The following GXYLT1 variants were observed in gnomAD, a reference collection of about 807,000 sequenced individuals.
The protein encoded by GXYLT1 is glucoside xylosyltransferase 1, also known as glycosyltransferase 8 domain containing 3.
Under a neutral mutation model 54.0 loss-of-function variants are expected in GXYLT1, and 29 were observed. The observed-to-expected ratio is 0.54, with a 90% CI of 0.40 to 0.73. The LOEUF (loss-of-function observed/expected upper bound fraction) is 0.73. Ranked by LOEUF, GXYLT1 falls within the 30% of genes least tolerant of loss-of-function variation. GXYLT1 has a pLI of 0.00. For synonymous variants in GXYLT1, 176 were observed against 204.1 expected (o/e 0.86, Z 1.17); for missense variants, 490 against 553.4 (o/e 0.89, Z 1.15).
chr12:42,127,262 T>C (rs2065568226), intron 2 of GXYLT1, among the ~76,000 whole-genome samples: 1 of 152,198 alleles, frequency 6.6e-6, no homozygotes, highest in African/African-American at 2.4e-5. Context: ...ATATTTGAAA[T>C]AGGGTGATTA....
intron 1 of GXYLT1, among the ~76,000 whole-genome samples, chr12:42,137,234 C>T (rs1318503802): frequency 6.6e-6 from 1 of 152,034 alleles, no homozygotes; most frequent in East Asian, 1.9e-4. Context: ...TTAGGCCAGG[C>T]GCAGTGGCTC....
At chr12:42,120,740 T>G (rs1251323620) in intron 2 of GXYLT1, among the ~76,000 whole-genome samples, 9 of 152,130 alleles carry the variant, frequency 5.9e-5, no homozygotes, top group African/African-American at 1.9e-4. Flanking sequence ...CTCACTATGT[T>G]GCCCAGGCTA....
At chr12:42,105,693 G>A in intron 5 of GXYLT1, 125 bp downstream of exon 5, 2 of 641,990 alleles carry the variant, frequency 3.1e-6, no homozygotes, top group Non-Finnish European at 5.1e-6. Flanking sequence ...TTCTTCTAAT[G>A]AGATTATTCT....
rs914670245 is a variant in GXYLT1 at position 42,086,301 on chromosome 12, C to T, written c.*1485G>A. On this transcript the variant is annotated 3_prime_UTR_variant, in exon 8 of 8. Coordinates refer to ENST00000398675, the MANE Select transcript of GXYLT1 (RefSeq NM_173601.2). The stretch of plus-strand genomic sequence containing the variant: ...TTCTAATGCACCCTGCTTAAACTTT[C>T]CTCTCTCAATTTGTCCCTGACTGAA... The T allele has an allele frequency of 5.2e-5, 7 of 135,286 alleles. No individual in the cohort carries two copies. Among genetic ancestry groups the T allele is most frequent in the Non-Finnish European group, 9.8e-5 (6 of 61,398 alleles). The allele number at this position is 135,286 out of a possible 1,614,324, so 8.4% of individuals were successfully genotyped here.
At chr12:42,109,525 A>G in intron 4 of GXYLT1, 41 bp downstream of exon 4, 2 of 494,246 alleles carry the variant, frequency 4.0e-6, no homozygotes, top group Non-Finnish European at 5.7e-6. Flanking sequence ...TTCAAATTTA[A>G]AAAAAAAAAA....
rs371842786 is a variant in GXYLT1, at chr12:42,116,211, T to G, written c.486+2789A>C. Among the ~76,000 whole-genome samples the G allele has an allele frequency of 1.0e-2, 1,515 of 152,034 alleles. 35 individuals are homozygous for G. Among genetic ancestry groups the G allele is most frequent in the African/African-American group, 0.034 (1,409 of 41,480 alleles). On this transcript the variant is annotated intron_variant, in intron 3 of 7. Transcript: ENST00000398675. ...AACCTAGGCAATACCATTCAGGACA[T>G]AGGCATGGGCAAGGACTTCATGTCT...
chr12:42,105,724 G>A (rs2065415194), intron 5 of GXYLT1, 94 bp downstream of exon 5: 2 of 817,442 alleles, frequency 2.4e-6, no homozygotes, highest in Non-Finnish European at 3.8e-6. Context: ...ATTATTTATA[G>A]TTCAATTTAG....
At chr12:42,109,510 T>G in intron 4 of GXYLT1, 56 bp downstream of exon 4, 3 of 1,226,132 alleles carry the variant, frequency 2.4e-6, no homozygotes, top group Non-Finnish European at 3.2e-6. Context: ...TGTGTAAAAG[T>G]AAGGTTCAAA....
intron 3 of GXYLT1, among the ~76,000 whole-genome samples, chr12:42,116,965 C>G: frequency 6.6e-6 from 1 of 151,818 alleles, no homozygotes; most frequent in Admixed American, 6.6e-5. Context: ...ATGATGAGTT[C>G]ATGTCCTTTG....
In GXYLT1 at chr12:42,105,872, T is replaced by C; in HGVS notation, c.810A>G (p.Val270=). The change falls in exon 5 of 8, where the codon GTA becomes GTG. Residue 270 remains valine (V), a synonymous_variant. Transcript: ENST00000398675. ...ARHPYYGKTG[V]NSGVMLMNMT... is the part of the protein sequence containing the mutation. Reference sequence around the variant, plus strand: ...TGTTCATCAACATAACTCCAGAGTTTACTCCAGTTTTTCCATAATATGGAT... The same window carrying C: ...TGTTCATCAACATAACTCCAGAGTTCACTCCAGTTTTTCCATAATATGGAT... 1 of 1,613,618 alleles carries C rather than the reference T, an allele frequency of 6.2e-7. No homozygotes were observed.
chr12:42,112,737 A>AGCACTCCTCAG (rs1565573090), intron 3 of GXYLT1, among the ~76,000 whole-genome samples: 6 of 151,644 alleles, frequency 4.0e-5, no homozygotes, highest in African/African-American at 1.5e-4. Flanking sequence ...ATCCAGCAGA[A>AGCACTCCTCAG]CTTCCCCAAT....
intron 3 of GXYLT1, among the ~76,000 whole-genome samples, chr12:42,115,086 C>T (rs2065485196): frequency 6.6e-6 from 1 of 152,194 alleles, no homozygotes; most frequent in South Asian, 2.1e-4. Flanking sequence ...AACAACGCTT[C>T]ATGCTAAAAA....
rs574860605 is a variant in GXYLT1, at chr12:42,093,495, T to C, written c.1161+3947A>G. 4.3e-4 allele frequency among the ~76,000 whole-genome samples: 66 copies of C among 152,134 alleles called. No individual in the cohort carries two copies. In the South Asian group the frequency reaches 0.013, roughly 31 times the overall value. ...TAGGAAAACACTGAAAAAAACAGGC[T>C]ATAAAGAGGGAGTAGCCCCATCAGA... On this transcript the variant is annotated intron_variant, in intron 7 of 7. Coordinates refer to ENST00000398675, the MANE Select transcript of GXYLT1 (RefSeq NM_173601.2).
intron 7 of GXYLT1, 34 bp downstream of exon 7, chr12:42,097,408 C>A: frequency 6.7e-7 from 1 of 1,502,544 alleles, no homozygotes; most frequent in Non-Finnish European, 8.8e-7. Flanking sequence ...TATTTTCAAA[C>A]AAAAAGTTAA....
chr12:42,105,066 T>C (rs2065411521), intron 5 of GXYLT1, among the ~76,000 whole-genome samples: 1 of 152,210 alleles, frequency 6.6e-6, no homozygotes, highest in Non-Finnish European at 1.5e-5. Flanking sequence ...ACTAAGTGGC[T>C]AGTAGTTAAG....
intron 5 of GXYLT1, 54 bp downstream of exon 5, chr12:42,105,764 C>A: frequency 1.4e-6 from 2 of 1,454,074 alleles, no homozygotes; most frequent in South Asian, 1.3e-5. Context: ...TTATTAAAAA[C>A]AATTTAGAAG....
chr12:42,097,637 A>T (rs1176488474), intron 6 of GXYLT1, 23 bp from the exon 7 acceptor site: 1 of 1,582,722 alleles, frequency 6.3e-7, no homozygotes, highest in African/African-American at 1.4e-5. Context: ...AAGACCAAAC[A>T]ATGAAGCAAA....
At chr12:42,096,156 C>T (rs567347524) in intron 7 of GXYLT1, among the ~76,000 whole-genome samples, 3 of 152,122 alleles carry the variant, frequency 2.0e-5, no homozygotes, top group Non-Finnish European at 4.4e-5. Flanking sequence ...GGTGTGAACA[C>T]ATTAACATCA....
In GXYLT1 at chr12:42,128,671, G is replaced by A. The variant is rs150544610; in HGVS notation, c.314+1088C>T. Among the ~76,000 whole-genome samples the A allele has an allele frequency of 3.3e-5, 5 of 152,340 alleles. No individual in the cohort carries two copies. The East Asian group carries it at 9.6e-4, about 29-fold the overall frequency. On this transcript the variant is annotated intron_variant, in intron 2 of 7. Coordinates refer to ENST00000398675, the MANE Select transcript of GXYLT1 (RefSeq NM_173601.2). ...CAGTGCTTACCACCTAGCACAGCGTGTGGCAAATATAATGAGTAGAATTAA... is the reference window on the plus strand; with the variant it reads ...CAGTGCTTACCACCTAGCACAGCGTATGGCAAATATAATGAGTAGAATTAA...
Sources: allele counts gnomAD v4.1 joint callset (sites outside exome capture counted in the v4.1 genomes callset), GRCh38; gene constraint gnomAD v4.1.1; transcripts MANE v1.5; gene names NCBI Gene and HGNC (gene_info 2026-07-23, HGNC 2026-07-21).